Variants in CLSTN2 observed in about 807,000 individuals in gnomAD.
CLSTN2 encodes calsyntenin 2, also known as calsyntenin-2.
In CLSTN2, 48 loss-of-function variants were observed where a neutral mutation model predicts 101.2. The observed-to-expected ratio is 0.47, with a 90% CI of 0.38 to 0.60. The LOEUF (loss-of-function observed/expected upper bound fraction) is 0.60, where lower values mean the gene tolerates loss of function less well. CLSTN2 is among the 20% of genes least tolerant of loss of function. The pLI, the probability that CLSTN2 is intolerant of heterozygous loss-of-function variation, is 0.00. For synonymous variants in CLSTN2, 481 were observed against 463.6 expected, an observed-to-expected ratio of 1.04 and a Z score of -0.48; for missense variants, 1,160 against 1,238.2, an observed-to-expected ratio of 0.94 and a Z score of 0.95.
In CLSTN2 at chr3:140,135,161, T is replaced by TAA. The variant is rs1323036016; in HGVS notation, c.110-40787_110-40786dup. Among the ~76,000 whole-genome samples, 521 of 98,488 alleles carry TAA rather than the reference T, an allele frequency of 5.3e-3. 2 individuals carry two copies. The highest frequency in any genetic ancestry group is 7.3e-3 in the African/African-American group (222 of 30,374). 64.6% of individuals were successfully genotyped at this position (98,488 alleles called of 152,430 possible). On this transcript the variant is annotated intron_variant, in intron 1 of 16. Transcript: ENST00000458420. ...ATATATATATATATATATATATATATAAAATATGCTGGGTATTACAGTCAT... is the reference window on the plus strand; with the variant it reads ...ATATATATATATATATATATATATATAAAAAATATGCTGGGTATTACAGTCAT...
intron 2 of CLSTN2, among the ~76,000 whole-genome samples, chr3:140,232,991 C>T (rs953632263): frequency 6.6e-6 from 1 of 152,088 alleles, no homozygotes; most frequent in Admixed American, 6.5e-5. Flanking sequence ...ATCCTTAGTA[C>T]CAAGCTTTCT....
intron 1 of CLSTN2, among the ~76,000 whole-genome samples, chr3:139,990,029 G>A (rs1191595755): frequency 1.3e-5 from 2 of 152,152 alleles, no homozygotes; most frequent in Non-Finnish European, 1.5e-5. Flanking sequence ...CTGGTAAACC[G>A]AAATAGCCCA....
intron 1 of CLSTN2, among the ~76,000 whole-genome samples, chr3:140,042,649 A>T (rs1368983320): frequency 3.3e-5 from 5 of 152,080 alleles, no homozygotes; most frequent in Non-Finnish European, 5.9e-5. Flanking sequence ...CATTAGGTAT[A>T]TCTCCTAATG....
At chr3:140,010,558 CT>C (rs1205643840) in intron 1 of CLSTN2, among the ~76,000 whole-genome samples, 1 of 152,112 alleles carries the variant, frequency 6.6e-6, no homozygotes, top group African/African-American at 2.4e-5. Flanking sequence ...ATCAAACATC[CT>C]AGGAAGGACT....
intron 8 of CLSTN2, among the ~76,000 whole-genome samples, chr3:140,476,262 C>T (rs1933981967): frequency 6.6e-6 from 1 of 152,214 alleles, no homozygotes; most frequent in Admixed American, 6.5e-5. Context: ...GATGCAAAGG[C>T]ACTGGCCACT....
chr3:140,157,654 A>G (rs1354872390), intron 1 of CLSTN2, among the ~76,000 whole-genome samples: 2 of 152,178 alleles, frequency 1.3e-5, no homozygotes, highest in Admixed American at 6.6e-5. Context: ...TTAACAATCT[A>G]TCAGTCTTGT....
chr3:140,546,564 G>A lies in CLSTN2; in HGVS notation c.1557G>A (p.Leu519=). ...TTGCTCAGTTCTTTCATGGAAGCCT[G>A]GCCAGTCTCACCATCCGCCCTGGCA... ...PQFAQFFHGS[L]ASLTIRPGKM... Residue 519 remains leucine (L), a synonymous_variant, in exon 10 of 17, where the codon CTG becomes CTA. Transcript: ENST00000458420. The A allele has an allele frequency of 2.5e-6, 4 of 1,614,138 alleles. No individual in the cohort carries two copies. The highest frequency in any genetic ancestry group is 3.4e-6 in the Non-Finnish European group (4 of 1,179,998).
intron 2 of CLSTN2, among the ~76,000 whole-genome samples, chr3:140,387,556 A>G (rs148420757): frequency 6.8e-4 from 104 of 152,308 alleles, no homozygotes; most frequent in African/African-American, 2.5e-3. Flanking sequence ...TTCTTTGCCA[A>G]CTGGGTCCCT....
chr3:140,503,894 T>C (rs910592876), intron 8 of CLSTN2, among the ~76,000 whole-genome samples: 5 of 152,142 alleles, frequency 3.3e-5, no homozygotes, highest in African/African-American at 1.2e-4. Context: ...AGGGGGCTCC[T>C]TAGGAAGAAC....
intron 9 of CLSTN2, among the ~76,000 whole-genome samples, chr3:140,533,340 A>G (rs79006011): frequency 1.5e-3 from 221 of 152,296 alleles, no homozygotes; most frequent in Non-Finnish European, 2.6e-3. Context: ...GTGTTGATGG[A>G]TTCTGTGAAA....
At chr3:140,124,042 C>T (rs187000148) in intron 1 of CLSTN2, among the ~76,000 whole-genome samples, 373 of 151,858 alleles carry the variant, frequency 2.5e-3, no homozygotes, top group Non-Finnish European at 4.2e-3. Flanking sequence ...AAGAGAGAGA[C>T]AATTTTAAAA....
intron 9 of CLSTN2, among the ~76,000 whole-genome samples, chr3:140,542,643 A>G (rs1049118153): frequency 1.4e-4 from 21 of 152,194 alleles, no homozygotes; most frequent in African/African-American, 4.8e-4. Flanking sequence ...AAAAATGCTC[A>G]TTGAATCAAT....
At chr3:140,235,053 T>A (rs1302362013) in intron 2 of CLSTN2, among the ~76,000 whole-genome samples, 1 of 152,202 alleles carries the variant, frequency 6.6e-6, no homozygotes, top group Non-Finnish European at 1.5e-5. Context: ...TCATTCAGCC[T>A]CTCTGAGCCT....
intron 1 of CLSTN2, among the ~76,000 whole-genome samples, chr3:140,094,555 C>T (rs2008836158): frequency 6.6e-6 from 1 of 151,994 alleles, no homozygotes; most frequent in African/African-American, 2.4e-5. Flanking sequence ...GTACAGGAAC[C>T]TCTAGAGGGA....
At chr3:140,522,909 AG>A (rs769586225) in intron 8 of CLSTN2, among the ~76,000 whole-genome samples, 17 of 152,030 alleles carry the variant, frequency 1.1e-4, no homozygotes, top group Non-Finnish European at 1.6e-4. Flanking sequence ...AGACAGGCAA[AG>A]GGTTGTTTCT....
chr3:140,402,045 G>A (rs2088248605), intron 2 of CLSTN2, among the ~76,000 whole-genome samples: 1 of 152,180 alleles, frequency 6.6e-6, no homozygotes, highest in Non-Finnish European at 1.5e-5. Flanking sequence ...GTGGGAGATG[G>A]GGGTGGTAGT....
chr3:140,037,989 T>G (rs113712004), intron 1 of CLSTN2, among the ~76,000 whole-genome samples: 5,644 of 152,290 alleles, frequency 0.037, 334 homozygotes, highest in African/African-American at 0.12. Flanking sequence ...GAATTGTGAA[T>G]AGTGCTGCAA....
At chr3:140,384,161 T>C (rs1386001189) in intron 2 of CLSTN2, among the ~76,000 whole-genome samples, 1 of 152,220 alleles carries the variant, frequency 6.6e-6, no homozygotes. Context: ...GTGAGGCAGT[T>C]GGCTGATAGG....
chr3:140,057,021 G>T (rs556487583), intron 1 of CLSTN2, among the ~76,000 whole-genome samples: 1 of 152,208 alleles, frequency 6.6e-6, no homozygotes, highest in African/African-American at 2.4e-5. Flanking sequence ...GATTTCTCAC[G>T]CCCTCCCCAC....
Sources: gnomAD v4.1 joint callset for allele counts (sites outside exome capture counted in the v4.1 genomes callset) on GRCh38, gnomAD v4.1.1 for gene constraint, MANE v1.5 for transcripts, NCBI Gene and HGNC (gene_info 2026-07-23, HGNC 2026-07-21) for gene names.